The following DENND1B variants were observed in gnomAD, a reference collection of about 807,000 sequenced individuals.
DENND1B encodes the protein DENN domain-containing protein 1B.
Under a neutral mutation model 90.1 loss-of-function variants are expected in DENND1B, and 59 were observed. The ratio of observed to expected loss-of-function variants is 0.65; its 90% CI spans 0.53 to 0.81. DENND1B has a LOEUF of 0.81. Among genes scored for constraint, DENND1B ranks in the 40% least tolerant of loss-of-function variants. The pLI is 0.00. For missense variants in DENND1B, 862 were observed against 912.6 expected (o/e 0.94, Z 0.71); for synonymous variants, 337 against 324.6 (o/e 1.04, Z -0.41).
At chr1:197,624,826 G>A (rs1477719382) in intron 10 of DENND1B, among the ~76,000 whole-genome samples, 1 of 151,856 alleles carries the variant, frequency 6.6e-6, no homozygotes, top group Non-Finnish European at 1.5e-5. Context: ...GCTTAAAGGA[G>A]CTGATGGAGC....
chr1:197,644,254 G>A (rs977089912), intron 9 of DENND1B, among the ~76,000 whole-genome samples: 1 of 152,138 alleles, frequency 6.6e-6, no homozygotes, highest in Non-Finnish European at 1.5e-5. Flanking sequence ...GCTGCCTTAT[G>A]CTTATTCTCT....
intron 2 of DENND1B, chr1:197,746,890 G>C: frequency 1.2e-6 from 2 of 1,611,702 alleles, no homozygotes; most frequent in Admixed American, 1.7e-5. Context: ...CAACTGCTTT[G>C]GCAATCTTTA....
intron 11 of DENND1B, among the ~76,000 whole-genome samples, chr1:197,614,907 G>T (rs1223427031): frequency 6.6e-6 from 1 of 150,934 alleles, no homozygotes. Flanking sequence ...ATGTGTTTAT[G>T]GACTTAGATA....
At chr1:197,650,323 A>T (rs753192582) in intron 7 of DENND1B, among the ~76,000 whole-genome samples, 5 of 152,180 alleles carry the variant, frequency 3.3e-5, no homozygotes, top group Admixed American at 6.5e-5. Context: ...CTACTAAACA[A>T]ATATTAAACT....
intron 2 of DENND1B, among the ~76,000 whole-genome samples, chr1:197,728,788 C>T (rs1158777405): frequency 6.6e-6 from 1 of 152,112 alleles, no homozygotes; most frequent in Non-Finnish European, 1.5e-5. Context: ...TACTGCTTAA[C>T]AAAACCCAAC....
At chr1:197,548,786 C>A (rs1236233296) in intron 16 of DENND1B, among the ~76,000 whole-genome samples, 1 of 151,970 alleles carries the variant, frequency 6.6e-6, no homozygotes, top group African/African-American at 2.4e-5. Flanking sequence ...CTGCTCAAGG[C>A]TAATACCCTG....
chr1:197,580,050 T>C (rs1266890659), intron 15 of DENND1B, among the ~76,000 whole-genome samples: 2 of 150,772 alleles, frequency 1.3e-5, no homozygotes, highest in African/African-American at 2.4e-5. Context: ...ATTTCTTTCA[T>C]TGTATTTTTA....
intron 20 of DENND1B, among the ~76,000 whole-genome samples, chr1:197,535,302 A>T (rs563485787): frequency 6.6e-6 from 1 of 152,278 alleles, no homozygotes; most frequent in Non-Finnish European, 1.5e-5. Context: ...CTTTTTGGCA[A>T]ATAGCATTAT....
chr1:197,643,540 G>A (rs973236903), intron 9 of DENND1B, among the ~76,000 whole-genome samples: 4 of 152,102 alleles, frequency 2.6e-5, no homozygotes, highest in South Asian at 2.1e-4. Context: ...CAATACATTT[G>A]AGTCTTTTCA....
At chr1:197,618,841 ATT>A (rs1192514868) in intron 10 of DENND1B, among the ~76,000 whole-genome samples, 3 of 151,176 alleles carry the variant, frequency 2.0e-5, no homozygotes, top group African/African-American at 4.8e-5. Context: ...ATACAAAGAT[ATT>A]TAAAGAAACT....
chr1:197,592,567 CG>C (rs1439679134), intron 14 of DENND1B, among the ~76,000 whole-genome samples: 6 of 152,058 alleles, frequency 3.9e-5, no homozygotes, highest in African/African-American at 1.2e-4. Flanking sequence ...AGGAACTAGA[CG>C]GCTATTAAAA....
At position 197,642,777 on chromosome 1, in the gene DENND1B, C is replaced by T. The variant is rs1193827757; in HGVS notation, c.606G>A (p.Met202Ile). The change falls in exon 10 of 23, where the codon ATG becomes ATA. Residue 202 changes from methionine (M) to isoleucine (I), a missense_variant. By Grantham distance (10) the Met-to-Ile change is conservative. Transcript: ENST00000620048. ...GCAGCATACTGGCATACAGCTGCAGCATGTTGTTCACATCCACGGCAACAA... is the reference window on the plus strand; with the variant it reads ...GCAGCATACTGGCATACAGCTGCAGTATGTTGTTCACATCCACGGCAACAA... ...EYFVAVDVNN[M>I]LQLYASMLHE... 6.2e-7 allele frequency: 1 copy of T among 1,613,580 alleles called. No homozygotes were observed. Among genetic ancestry groups the T allele is most frequent in the East Asian group, 2.2e-5 (1 of 44,846 alleles).
At chr1:197,596,912 C>A (rs548892602) in intron 13 of DENND1B, among the ~76,000 whole-genome samples, 1 of 151,988 alleles carries the variant, frequency 6.6e-6, no homozygotes, top group South Asian at 2.1e-4. Context: ...TTACTGTGAT[C>A]TGATCAAAGA....
intron 15 of DENND1B, among the ~76,000 whole-genome samples, chr1:197,561,413 T>C (rs1672151330): frequency 6.6e-6 from 1 of 151,914 alleles, no homozygotes; most frequent in Non-Finnish European, 1.5e-5. Context: ...CTGGTTTCTG[T>C]CCTACCTAAT....
chr1:197,535,825 A>T (rs182580985), intron 20 of DENND1B, among the ~76,000 whole-genome samples: 12 of 152,248 alleles, frequency 7.9e-5, no homozygotes, highest in African/African-American at 2.9e-4. Flanking sequence ...AGCTGATTAC[A>T]TTCTTCCTTA....
In DENND1B at chr1:197,509,929, T is replaced by C. The variant is rs963795460; in HGVS notation, c.*531A>G. On this transcript the variant is annotated 3_prime_UTR_variant, in exon 23 of 23. Coordinates refer to ENST00000620048, the MANE Select transcript of DENND1B (RefSeq NM_001195215.2). ...TGAATTTTGACCTTGATTTGATGAA[T>C]AGAAAAAGGCATTATTGCTCTGCAG... 4 of 151,936 alleles carry C rather than the reference T, an allele frequency of 2.6e-5. No individual in the cohort carries two copies. The highest frequency in any genetic ancestry group is 5.9e-5 in the Non-Finnish European group (4 of 67,832). 9.4% of individuals were successfully genotyped at this position (151,936 alleles called of 1,614,324 possible).
rs189450524 is a variant in DENND1B, at chr1:197,591,973, G to C, written c.1047+3235C>G. 2.4e-3 allele frequency among the ~76,000 whole-genome samples: 366 copies of C among 151,998 alleles called. 4 individuals are homozygous for C. Among genetic ancestry groups the C allele is most frequent in the African/African-American group, 8.4e-3 (348 of 41,434 alleles). On this transcript the variant is annotated intron_variant, in intron 14 of 22. Coordinates refer to ENST00000620048, the MANE Select transcript of DENND1B (RefSeq NM_001195215.2). ...AAAATACAAAAATTAGGCGGGCATG[G>C]TGGCGGGCACCTGTAGTCCCTGCTA... is the stretch of plus-strand genomic sequence containing the variant.
In DENND1B at chr1:197,506,193, T is replaced by C. The variant is rs965945752; in HGVS notation, c.*4267A>G. The C allele has an allele frequency of 6.6e-6, 1 of 151,610 alleles. No homozygotes were observed. The highest frequency in any genetic ancestry group is 1.5e-5 in the Non-Finnish European group (1 of 67,670). The allele number at this position is 151,610 out of a possible 1,614,324, so 9.4% of individuals were successfully genotyped here. Reference sequence around the variant, plus strand: ...ATGAACTAAGTTATGCAAGAAAAATTATTGCACGAAATCCTATTTTCAAAA... The same window carrying C: ...ATGAACTAAGTTATGCAAGAAAAATCATTGCACGAAATCCTATTTTCAAAA... On this transcript the variant is annotated 3_prime_UTR_variant, in exon 23 of 23. Transcript: ENST00000620048.
At chr1:197,695,073 T>A (rs940608870) in intron 3 of DENND1B, among the ~76,000 whole-genome samples, 1 of 151,252 alleles carries the variant, frequency 6.6e-6, no homozygotes, top group Admixed American at 6.6e-5. Context: ...ATTTTAGCAG[T>A]AGAGAATATA....
Sources: allele counts gnomAD v4.1 joint callset (sites outside exome capture counted in the v4.1 genomes callset), GRCh38; gene constraint gnomAD v4.1.1; transcripts MANE v1.5; gene names NCBI Gene and HGNC (gene_info 2026-07-23, HGNC 2026-07-21).